Variants in ZCCHC7 observed in about 807,000 individuals in gnomAD.
The protein encoded by ZCCHC7 is zinc finger CCHC-type containing 7, also known as zinc finger CCHC domain-containing protein 7.
Under a neutral mutation model 52.0 loss-of-function variants are expected in ZCCHC7, and 35 were observed. The ratio of observed to expected loss-of-function variants is 0.67; its 90% confidence interval spans 0.51 to 0.89. The LOEUF (loss-of-function observed/expected upper bound fraction) is 0.89. ZCCHC7 is among the 40% of genes least tolerant of loss of function. The pLI is 0.00. For missense variants in ZCCHC7, 574 were observed against 649.1 expected (o/e 0.88, Z 1.26); for synonymous variants, 217 against 221.5 (o/e 0.98, Z 0.18).
chr9:37,232,094 TTAAAG>T (rs1412016912), intron 2 of ZCCHC7, among the ~76,000 whole-genome samples: 1 of 152,220 alleles, frequency 6.6e-6, no homozygotes, highest in East Asian at 1.9e-4. Flanking sequence ...CTTAAATTAT[TTAAAG>T]GAGAGGAGTA....
At chr9:37,165,826 A>G (rs1821388119) in intron 2 of ZCCHC7, among the ~76,000 whole-genome samples, 1 of 152,240 alleles carries the variant, frequency 6.6e-6, no homozygotes, top group Non-Finnish European at 1.5e-5. Context: ...AACTAACATC[A>G]GAATCATCTG....
intron 2 of ZCCHC7, chr9:37,147,261 T>A (rs984679495): frequency 1.3e-5 from 2 of 151,996 alleles, no homozygotes; most frequent in Non-Finnish European, 2.9e-5. Flanking sequence ...TATAGTTTCA[T>A]TTTAAGACCA....
At chr9:37,334,123 A>G (rs921923321) in intron 6 of ZCCHC7, among the ~76,000 whole-genome samples, 1 of 151,932 alleles carries the variant, frequency 6.6e-6, no homozygotes, top group Non-Finnish European at 1.5e-5. Flanking sequence ...GTGTAGAAGT[A>G]TTATGTAGAT....
intron 2 of ZCCHC7, among the ~76,000 whole-genome samples, chr9:37,259,725 ATT>A (rs1826773130): frequency 6.6e-6 from 1 of 151,790 alleles, no homozygotes; most frequent in African/African-American, 2.4e-5. Context: ...GTATTTAAAT[ATT>A]CTTTCTGCTA....
chr9:37,121,840 T>C (rs10973223), intron 1 of ZCCHC7, among the ~76,000 whole-genome samples: 20,767 of 152,154 alleles, frequency 0.14, 1,723 homozygotes, highest in Non-Finnish European at 0.17. Context: ...TGTGCTCTGT[T>C]TGTCTTTTGT....
intron 2 of ZCCHC7, among the ~76,000 whole-genome samples, chr9:37,251,181 T>C (rs564374215): frequency 1.3e-5 from 2 of 152,294 alleles, no homozygotes; most frequent in South Asian, 2.1e-4. Context: ...ATAATTATGA[T>C]TTATTTATAT....
intron 6 of ZCCHC7, among the ~76,000 whole-genome samples, chr9:37,330,486 T>C (rs1202491990): frequency 6.6e-6 from 1 of 151,592 alleles, no homozygotes; most frequent in Non-Finnish European, 1.5e-5. Flanking sequence ...CATCTTTCTA[T>C]GTTTTAATGA....
At chr9:37,249,292 G>A (rs1826207600) in intron 2 of ZCCHC7, among the ~76,000 whole-genome samples, 1 of 151,920 alleles carries the variant, frequency 6.6e-6, no homozygotes, top group African/African-American at 2.4e-5. Flanking sequence ...TCCTGCTCTG[G>A]AACACAGTTC....
At position 37,295,459 on chromosome 9, in the gene ZCCHC7, A is replaced by G. The variant is rs531490045; in HGVS notation, c.611-6729A>G. Among the ~76,000 whole-genome samples, 10 of 152,352 alleles carry G rather than the reference A, an allele frequency of 6.6e-5. 1 individual carries two copies. Among genetic ancestry groups the G allele is most frequent in the African/African-American group, 2.4e-4 (10 of 41,590 alleles). On this transcript the variant is annotated intron_variant, in intron 2 of 8. Coordinates refer to ENST00000336755, the MANE Select transcript of ZCCHC7 (RefSeq NM_032226.3). The stretch of plus-strand genomic sequence containing the variant: ...TATTCACATTTATATTTTAGAAATT[A>G]CTTAAGTAGCAGTGGAATGAAAAGC...
chr9:37,208,271 G>A (rs773382388), intron 2 of ZCCHC7, among the ~76,000 whole-genome samples: 60 of 152,108 alleles, frequency 3.9e-4, no homozygotes, highest in Non-Finnish European at 5.4e-4. Flanking sequence ...TTTTAGTACA[G>A]ATGGGGTTTC....
intron 2 of ZCCHC7, among the ~76,000 whole-genome samples, chr9:37,300,209 T>C (rs2133686107): frequency 6.6e-6 from 1 of 152,284 alleles, no homozygotes; most frequent in African/African-American, 2.4e-5. Context: ...ATTTGGAGAG[T>C]GGTAACAGTT....
At chr9:37,258,757 TAAAAAAAAAAAAAA>T (rs5897683) in intron 2 of ZCCHC7, among the ~76,000 whole-genome samples, 112 of 55,372 alleles carry the variant, frequency 2.0e-3, no homozygotes, top group Admixed American at 3.7e-3. Context: ...TCCTGTCTCT[TAAAAAAAAAAAAAA>T]AAAAAAAAAA....
chr9:37,160,872 G>A (rs763439604), intron 2 of ZCCHC7, among the ~76,000 whole-genome samples: 2 of 152,064 alleles, frequency 1.3e-5, no homozygotes, highest in Non-Finnish European at 2.9e-5. Context: ...GGCGACAAGA[G>A]CGAAACTCCA....
At chr9:37,306,445 T>A (rs1829309152) in intron 5 of ZCCHC7, among the ~76,000 whole-genome samples, 1 of 151,802 alleles carries the variant, frequency 6.6e-6, no homozygotes, top group South Asian at 2.1e-4. Flanking sequence ...CCTATTTTGA[T>A]GCTTCTTTTT....
At chr9:37,329,964 C>G (rs1468808671) in intron 6 of ZCCHC7, among the ~76,000 whole-genome samples, 3 of 151,800 alleles carry the variant, frequency 2.0e-5, no homozygotes, top group Non-Finnish European at 4.4e-5. Context: ...ATATTTCTTA[C>G]CCCAAATGAT....
intron 2 of ZCCHC7, among the ~76,000 whole-genome samples, chr9:37,170,735 A>G (rs960007700): frequency 7.2e-5 from 11 of 152,190 alleles, no homozygotes; most frequent in African/African-American, 2.7e-4. Context: ...AGTCTACTCT[A>G]ATGACACAAT....
At chr9:37,188,553 ACCTCCCCCTAC>A (rs1481480143) in intron 2 of ZCCHC7, among the ~76,000 whole-genome samples, 2 of 14,222 alleles carry the variant, frequency 1.4e-4, no homozygotes, top group Non-Finnish European at 2.5e-4. Flanking sequence ...CTCCCCCCTC[ACCTCCCCCTAC>A]CCTCCCCCCT....
chr9:37,242,063 C>A (rs1182417189), intron 2 of ZCCHC7, among the ~76,000 whole-genome samples: 1 of 151,702 alleles, frequency 6.6e-6, no homozygotes, highest in Non-Finnish European at 1.5e-5. Flanking sequence ...GAATAATAAT[C>A]TGAATAAATA....
chr9:37,166,345 C>T (rs563056391), intron 2 of ZCCHC7, among the ~76,000 whole-genome samples: 38 of 152,020 alleles, frequency 2.5e-4, no homozygotes, highest in African/African-American at 7.7e-4. Flanking sequence ...TGCAGTGAGC[C>T]GAGATCGCGC....
Sources: allele counts gnomAD v4.1 joint callset (sites outside exome capture counted in the v4.1 genomes callset), GRCh38; gene constraint gnomAD v4.1.1; transcripts MANE v1.5; gene names NCBI Gene and HGNC (gene_info 2026-07-23, HGNC 2026-07-21).